The following AXDND1 variants were observed in gnomAD, a reference collection of about 807,000 sequenced individuals.
The protein encoded by AXDND1 is axonemal dynein light chain domain containing 1.
A neutral mutation model predicts 137.5 loss-of-function variants in AXDND1; 110 were observed. The ratio of observed to expected loss-of-function variants is 0.80; its 90% CI spans 0.69 to 0.94. The LOEUF (loss-of-function observed/expected upper bound fraction) is 0.94, where lower values mean the gene tolerates loss of function less well. AXDND1 is among the 40% of genes least tolerant of loss of function. AXDND1 has a pLI of 0.00. For synonymous variants in AXDND1, 414 were observed against 399.7 expected, an observed-to-expected ratio of 1.04 and a Z score of -0.43; for missense variants, 1,191 against 1,169.8, an observed-to-expected ratio of 1.02 and a Z score of -0.26.
chr1:179,428,035 A>C (rs1468825093), intron 12 of AXDND1, among the ~76,000 whole-genome samples: 2 of 152,192 alleles, frequency 1.3e-5, no homozygotes. Context: ...TCTCAAAACA[A>C]TGCTGGACTT....
intron 16 of AXDND1, among the ~76,000 whole-genome samples, chr1:179,462,714 C>T (rs976220883): frequency 2.0e-5 from 3 of 151,972 alleles, no homozygotes; most frequent in Non-Finnish European, 2.9e-5. Flanking sequence ...AATTTCAGAA[C>T]CTGTTATTTA....
chr1:179,475,036 G>T (rs1664435545), intron 17 of AXDND1, among the ~76,000 whole-genome samples: 1 of 150,714 alleles, frequency 6.6e-6, no homozygotes, highest in Non-Finnish European at 1.5e-5. Context: ...TGCTTCAAAA[G>T]GTGGTCTTGG....
At chr1:179,472,258 C>T (rs920327921) in intron 17 of AXDND1, among the ~76,000 whole-genome samples, 1 of 152,130 alleles carries the variant, frequency 6.6e-6, no homozygotes, top group African/African-American at 2.4e-5. Context: ...TATTCATTGA[C>T]CCATTGTTAT....
At chr1:179,507,089 C>A (rs1668611121) in intron 20 of AXDND1, among the ~76,000 whole-genome samples, 1 of 152,180 alleles carries the variant, frequency 6.6e-6, no homozygotes, top group African/African-American at 2.4e-5. Context: ...TTAGGACTAT[C>A]ACTTGCTTCT....
intron 20 of AXDND1, among the ~76,000 whole-genome samples, chr1:179,496,144 G>T (rs1172481205): frequency 6.6e-6 from 1 of 151,864 alleles, no homozygotes; most frequent in African/African-American, 2.4e-5. Context: ...TTGCACTGAT[G>T]TTCATAAGGG....
chr1:179,461,974 A>G (rs537775182), intron 16 of AXDND1, among the ~76,000 whole-genome samples: 2 of 152,300 alleles, frequency 1.3e-5, no homozygotes, highest in African/African-American at 4.8e-5. Flanking sequence ...CTAAATATAC[A>G]ATCATGTCAT....
At chr1:179,508,737 C>T (rs1250718308) in intron 20 of AXDND1, among the ~76,000 whole-genome samples, 1 of 151,632 alleles carries the variant, frequency 6.6e-6, no homozygotes, top group Admixed American at 6.6e-5. Context: ...TGGTTAAGCA[C>T]AGACCACATA....
intron 16 of AXDND1, among the ~76,000 whole-genome samples, chr1:179,459,704 CTTTCTTTCT>C (rs1248659282): frequency 2.2e-5 from 2 of 91,558 alleles, no homozygotes; most frequent in African/African-American, 1.0e-4. Context: ...TCTTTCTTTC[CTTTCTTTCT>C]TTTTCTTTCT....
intron 16 of AXDND1, chr1:179,456,133 C>T (rs1661373325): frequency 1.8e-6 from 1 of 550,522 alleles, no homozygotes; most frequent in Non-Finnish European, 3.5e-6. Context: ...CCTGCTACCA[C>T]TGTGCTTGGC....
intron 18 of AXDND1, among the ~76,000 whole-genome samples, chr1:179,486,278 T>TTAAG (rs1553291165): frequency 6.6e-6 from 1 of 151,230 alleles, no homozygotes; most frequent in African/African-American, 2.4e-5. Context: ...CAGACAAAAA[T>TTAAG]AAAAAACAAT....
chr1:179,392,800 C>T (rs1650400582), intron 9 of AXDND1, among the ~76,000 whole-genome samples: 1 of 151,858 alleles, frequency 6.6e-6, no homozygotes, highest in Non-Finnish European at 1.5e-5. Context: ...TGTCCTTTGC[C>T]CACTTTTTGG....
At chr1:179,514,370 G>T (rs1669327012) in intron 21 of AXDND1, among the ~76,000 whole-genome samples, 1 of 152,038 alleles carries the variant, frequency 6.6e-6, no homozygotes, top group South Asian at 2.1e-4. Flanking sequence ...CCATGTATTT[G>T]CATGGTCTTG....
intron 11 of AXDND1, among the ~76,000 whole-genome samples, chr1:179,403,801 T>C (rs1188871757): frequency 6.6e-6 from 1 of 152,184 alleles, no homozygotes; most frequent in East Asian, 1.9e-4. Context: ...CTGGAACTAC[T>C]CCTGACCTCA....
chr1:179,554,343 TTC>T, intron 25 of AXDND1, 167 bp from the exon 26 acceptor site: 1 of 1,032,186 alleles, frequency 9.7e-7, no homozygotes. Context: ...GGTGATTTGT[TTC>T]TCTTTTTTAT....
chr1:179,425,693 T>C (rs1395644750), intron 12 of AXDND1, among the ~76,000 whole-genome samples: 4 of 151,976 alleles, frequency 2.6e-5, no homozygotes, highest in Non-Finnish European at 1.5e-5. Context: ...TCCATGTGCT[T>C]TGTGCTGGGC....
At position 179,487,995 on chromosome 1, in the gene AXDND1, C is replaced by CAAA. The variant is rs71114524; in HGVS notation, c.2092-3525_2092-3523dup. ...TGTGAAACAGAGTGAGACCATGTCT[C>CAAA]AAAAAAAAAAAAAAAAAAAAGAGAA... On this transcript the variant is annotated intron_variant, in intron 18 of 25. Transcript: ENST00000367618. 6.7e-4 allele frequency among the ~76,000 whole-genome samples: 68 copies of CAAA among 101,474 alleles called. 1 individual carries two copies. Among genetic ancestry groups the CAAA allele is most frequent in the African/African-American group, 2.0e-3 (44 of 22,074 alleles). The allele number at this position is 101,474 out of a possible 152,430, so 66.6% of individuals were successfully genotyped here.
chr1:179,533,941 A>T, intron 24 of AXDND1, 64 bp downstream of exon 24: 1 of 1,440,236 alleles, frequency 6.9e-7, no homozygotes, highest in Non-Finnish European at 9.7e-7. Flanking sequence ...TTGACTGAGA[A>T]ATTCACACTT....
chr1:179,533,023 G>T (rs1463505706), intron 23 of AXDND1: 1 of 152,152 alleles, frequency 6.6e-6, no homozygotes, highest in Admixed American at 6.5e-5. Flanking sequence ...AGGCTTAGAT[G>T]CAGGCTTGCT....
intron 11 of AXDND1, among the ~76,000 whole-genome samples, chr1:179,401,558 A>T (rs1182182716): frequency 6.6e-6 from 1 of 152,140 alleles, no homozygotes. Context: ...ATTCTATTTT[A>T]TTCTTTACTA....
Sources: allele counts gnomAD v4.1 joint callset (sites outside exome capture counted in the v4.1 genomes callset), GRCh38; gene constraint gnomAD v4.1.1; transcripts MANE v1.5; gene names NCBI Gene and HGNC (gene_info 2026-07-23, HGNC 2026-07-21).